The following NAT1 variants were observed in gnomAD, a reference collection of about 807,000 sequenced individuals.
NAT1 encodes the protein N-acetyltransferase 1, also known as arylamine N-acetyltransferase 1.
For synonymous variants in NAT1, 144 were observed against 122.6 expected, an observed-to-expected ratio of 1.17 and a Z score of -1.16; for missense variants, 400 against 339.2, an observed-to-expected ratio of 1.18 and a Z score of -1.41.
chr8:18,201,915 G>A (rs1803481072), intron 2 of NAT1, among the ~76,000 whole-genome samples: 1 of 152,212 alleles, frequency 6.6e-6, no homozygotes, highest in Non-Finnish European at 1.5e-5. Context: ...CTTGAAGTCA[G>A]TAATCTCATG....
intron 2 of NAT1, among the ~76,000 whole-genome samples, chr8:18,173,068 A>G (rs546545035): frequency 6.6e-6 from 1 of 152,228 alleles, no homozygotes; most frequent in Non-Finnish European, 1.5e-5. Flanking sequence ...GGCAGAGAAC[A>G]GTGCTACTGC....
At chr8:18,217,264 G>A (rs901432671) in intron 1 of NAT1, among the ~76,000 whole-genome samples, 3 of 152,072 alleles carry the variant, frequency 2.0e-5, no homozygotes, top group Non-Finnish European at 4.4e-5. Flanking sequence ...TCTTAGTGAT[G>A]GGCATTGGGA....
At chr8:18,191,107 C>G (rs530783038) in intron 2 of NAT1, among the ~76,000 whole-genome samples, 1 of 151,972 alleles carries the variant, frequency 6.6e-6, no homozygotes, top group East Asian at 1.9e-4. Flanking sequence ...AATAAATATA[C>G]TGATACCCTG....
upstream of NAT1, chr8:18,209,994 T>C (rs1379710884): frequency 2.6e-5 from 4 of 152,030 alleles, no homozygotes; most frequent in Non-Finnish European, 5.9e-5. Flanking sequence ...GCAACCTGAG[T>C]CCCTGCAACT....
intron 2 of NAT1, among the ~76,000 whole-genome samples, chr8:18,185,974 T>A (rs1802717034): frequency 6.6e-6 from 1 of 152,166 alleles, no homozygotes; most frequent in African/African-American, 2.4e-5. Flanking sequence ...TTTTTGTTAT[T>A]GGTTTCTAGT....
At chr8:18,198,385 T>C (rs768283359) in intron 2 of NAT1, among the ~76,000 whole-genome samples, 5 of 152,240 alleles carry the variant, frequency 3.3e-5, no homozygotes, top group Non-Finnish European at 7.3e-5. Context: ...TCAACTACAA[T>C]AGTCCTTCCT....
intron 2 of NAT1, 52 bp downstream of exon 2, chr8:18,219,541 T>C (rs1034771640): frequency 1.0e-6 from 1 of 961,786 alleles, no homozygotes; most frequent in Non-Finnish European, 1.6e-6. Flanking sequence ...GCACGTTCAC[T>C]CTGCCTCCTT....
chr8:18,183,423 T>G (rs1037833033), intron 2 of NAT1, among the ~76,000 whole-genome samples: 5 of 152,178 alleles, frequency 3.3e-5, no homozygotes, highest in Non-Finnish European at 7.3e-5. Context: ...ATAGTCCCGG[T>G]AAGTCCAAAG....
chr8:18,197,641 C>T (rs1169584065), intron 2 of NAT1, among the ~76,000 whole-genome samples: 1 of 152,176 alleles, frequency 6.6e-6, no homozygotes, highest in African/African-American at 2.4e-5. Context: ...ACTCTTAAAA[C>T]TTGGTGTGGC....
rs1188424795 is a variant in NAT1 at position 18,222,631 on chromosome 8, A to G, written c.584A>G (p.Lys195Arg). The G allele has an allele frequency of 6.2e-7, 1 of 1,613,184 alleles. No homozygotes were observed. Among genetic ancestry groups the G allele is most frequent in the South Asian group, 1.1e-5 (1 of 90,900 alleles). Residue 195 changes from lysine (K) to arginine (R), a missense_variant, in exon 3 of 3, where the codon AAG becomes AGG. Lys to Arg is a conservative substitution (Grantham distance 26). Coordinates refer to ENST00000307719, the MANE Select transcript of NAT1 (RefSeq NM_000662.8). ...CGAAAAATCTACTCCTTTACTCTTA[A>G]GCCTCGAACAATTGAAGATTTTGAG... ...KYRKIYSFTL[K>R]PRTIEDFESM...
At chr8:18,180,969 A>T (rs1463926365) in intron 2 of NAT1, among the ~76,000 whole-genome samples, 2 of 151,948 alleles carry the variant, frequency 1.3e-5, no homozygotes, top group Non-Finnish European at 2.9e-5. Flanking sequence ...TTTGGTCTGG[A>T]TTGCTTTAGC....
chr8:18,193,506 A>T (rs1032601628), intron 2 of NAT1, among the ~76,000 whole-genome samples: 3 of 132,468 alleles, frequency 2.3e-5, no homozygotes, highest in South Asian at 2.2e-4. Flanking sequence ...ATATATATAT[A>T]ATATATATAT....
intron 1 of NAT1, among the ~76,000 whole-genome samples, chr8:18,216,152 C>G (rs1804638492): frequency 1.3e-5 from 2 of 152,132 alleles, no homozygotes; most frequent in East Asian, 1.9e-4. Context: ...GGCTCAGATG[C>G]TACTCTTTTA....
chr8:18,210,356 A>T (rs1803956148), intron 1 of NAT1, among the ~76,000 whole-genome samples, 176 bp downstream of exon 1: 1 of 152,212 alleles, frequency 6.6e-6, no homozygotes, highest in African/African-American at 2.4e-5. Context: ...TAGTGGTGAC[A>T]GTTACAGGTC....
chr8:18,187,296 C>A (rs189056327), intron 2 of NAT1, among the ~76,000 whole-genome samples: 50 of 152,248 alleles, frequency 3.3e-4, no homozygotes, highest in African/African-American at 1.1e-3. Context: ...TGTGGTGCTT[C>A]CTTAAAGACC....
intron 1 of NAT1, among the ~76,000 whole-genome samples, chr8:18,216,011 G>C (rs1279086061): frequency 6.6e-6 from 1 of 152,140 alleles, no homozygotes; most frequent in African/African-American, 2.4e-5. Context: ...TTTCATGTAA[G>C]AGCTGGGTAG....
chr8:18,175,219 G>C (rs10100103), intron 2 of NAT1, among the ~76,000 whole-genome samples: 1 of 151,598 alleles, frequency 6.6e-6, no homozygotes, highest in Non-Finnish European at 1.5e-5. Flanking sequence ...GGTGTGATGA[G>C]AATGTTAAAA....
At chr8:18,205,257 T>C (rs1280151496), upstream of NAT1, among the ~76,000 whole-genome samples, 1 of 152,074 alleles carries the variant, frequency 6.6e-6, no homozygotes, top group Non-Finnish European at 1.5e-5. Context: ...CCCTTCATCA[T>C]AGGGGTGGAG....
chr8:18,201,454 C>G (rs1379992517), intron 2 of NAT1, among the ~76,000 whole-genome samples: 1 of 152,106 alleles, frequency 6.6e-6, no homozygotes, highest in Non-Finnish European at 1.5e-5. Context: ...CTACCTCTTC[C>G]TCCTCCCTGG....
Sources: allele counts gnomAD v4.1 joint callset (sites outside exome capture counted in the v4.1 genomes callset), GRCh38; gene constraint gnomAD v4.1.1; transcripts MANE v1.5; gene names NCBI Gene and HGNC (gene_info 2026-07-23, HGNC 2026-07-21).